The following DORIP1 variants were observed in gnomAD, a reference collection of about 807,000 sequenced individuals.
DORIP1 encodes dopamine receptor interacting protein 1, also known as dopamine receptor-interacting protein 1.
At chr14:44,903,897 T>C in the DORIP1 span, 25 of 982,558 alleles carry the variant, frequency 2.5e-5, no homozygotes, top group Non-Finnish European at 2.9e-5. Flanking sequence ...TTAACCAGAA[T>C]ACTGTACCCT....
the DORIP1 span, chr14:44,899,178 A>G: frequency 6.6e-6 from 1 of 152,250 alleles, no homozygotes; most frequent in Non-Finnish European, 1.5e-5. Context: ...TTTCAAAAGT[A>G]TGTGCGCTAT....
chr14:44,903,147 T>A, the DORIP1 span: 1 of 1,225,348 alleles, frequency 8.2e-7, no homozygotes, highest in Non-Finnish European at 1.2e-6. Context: ...AAATTTGTTA[T>A]AATATATTAA....
the DORIP1 span, chr14:44,903,536 T>A: frequency 2.7e-6 from 3 of 1,097,842 alleles, no homozygotes; most frequent in Non-Finnish European, 3.3e-6. Context: ...CAATAAAACC[T>A]TGGTTAACTG....
chr14:44,900,362 G>A, the DORIP1 span: 8 of 1,267,242 alleles, frequency 6.3e-6, no homozygotes, highest in South Asian at 8.8e-5. Context: ...ATTTATTTTC[G>A]TTTAAACATA....
At chr14:44,906,791 A>G in the DORIP1 span, 1 of 152,632 alleles carries the variant, frequency 6.6e-6, no homozygotes, top group African/African-American at 2.4e-5. Flanking sequence ...CTGAACTGCT[A>G]AAGTGCTTGG....
chr14:44,904,523 A>G, the DORIP1 span: 1 of 1,590,622 alleles, frequency 6.3e-7, no homozygotes, highest in Non-Finnish European at 8.5e-7. Context: ...GATTTGTCTG[A>G]TCACAAGTAG....
At chr14:44,904,291 A>G in the DORIP1 span, 1 of 1,495,592 alleles carries the variant, frequency 6.7e-7, no homozygotes, top group Admixed American at 2.4e-5. Context: ...CTACACCTAT[A>G]ATAGATAATT....
At chr14:44,903,720 T>C in the DORIP1 span, 3 of 964,962 alleles carry the variant, frequency 3.1e-6, no homozygotes, top group Middle Eastern at 5.4e-4. Context: ...ATAATGAGAA[T>C]TAATATTTAG....
chr14:44,901,240 A>C, the DORIP1 span, among the ~76,000 whole-genome samples: 1 of 152,312 alleles, frequency 6.6e-6, no homozygotes, highest in South Asian at 2.1e-4. Context: ...GGTGTGTAAA[A>C]GGTTATACCA....
the DORIP1 span, chr14:44,906,476 A>G: frequency 6.6e-6 from 1 of 152,432 alleles, no homozygotes; most frequent in African/African-American, 2.4e-5. Flanking sequence ...AGAATACTTA[A>G]AATTTTGAGT....
chr14:44,905,433 T>A, the DORIP1 span: 3 of 1,571,848 alleles, frequency 1.9e-6, no homozygotes, highest in South Asian at 1.2e-5. Context: ...CTTTCCAGAT[T>A]GGTGGACATT....
At chr14:44,897,558 T>C in the DORIP1 span, 21 of 187,978 alleles carry the variant, frequency 1.1e-4, no homozygotes, top group Middle Eastern at 2.3e-3. Flanking sequence ...CAGTTTTCGG[T>C]CCCCAGGGAG....
chr14:44,905,115 A>C, the DORIP1 span: 1 of 306,946 alleles, frequency 3.3e-6, no homozygotes, highest in Non-Finnish European at 5.9e-6. Flanking sequence ...TCCCTGTAAA[A>C]GTTTTCTTAC....
At chr14:44,903,849 T>TG in the DORIP1 span, 1 of 984,954 alleles carries the variant, frequency 1.0e-6, no homozygotes, top group South Asian at 4.7e-5. Flanking sequence ...CTGAAACAGA[T>TG]GGTTTTCTGG....
the DORIP1 span, among the ~76,000 whole-genome samples, chr14:44,902,540 G>T: frequency 6.6e-6 from 1 of 151,986 alleles, no homozygotes; most frequent in East Asian, 1.9e-4. Context: ...GTGTTGCCCA[G>T]GTTGGTCTCA....
chr14:44,900,263 C>G, the DORIP1 span, among the ~76,000 whole-genome samples: 15 of 152,136 alleles, frequency 9.9e-5, no homozygotes, highest in Non-Finnish European at 1.9e-4. Context: ...TTCCAGAGAG[C>G]ATGCATAGTG....
At chr14:44,898,366 T>A in the DORIP1 span, among the ~76,000 whole-genome samples, 2 of 152,220 alleles carry the variant, frequency 1.3e-5, no homozygotes, top group African/African-American at 4.8e-5. Context: ...CATATGTCAT[T>A]ATAGTTTAAT....
At chr14:44,903,313 CA>C in the DORIP1 span, 1 of 1,593,918 alleles carries the variant, frequency 6.3e-7, no homozygotes, top group Non-Finnish European at 8.6e-7. Context: ...ATACAATAGA[CA>C]TTTAAAATGA....
the DORIP1 span, among the ~76,000 whole-genome samples, chr14:44,897,957 T>C: frequency 2.0e-5 from 3 of 152,182 alleles, no homozygotes; most frequent in African/African-American, 7.2e-5. Context: ...GAGTCTGGCG[T>C]TCAATGCCTT....
Sources: gnomAD v4.1 joint callset for allele counts (sites outside exome capture counted in the v4.1 genomes callset) on GRCh38, gnomAD v4.1.1 for gene constraint, MANE v1.5 for transcripts, NCBI Gene and HGNC (gene_info 2026-07-23, HGNC 2026-07-21) for gene names.